Variants in IL36RN observed in about 807,000 individuals in gnomAD.
IL36RN encodes interleukin 36 receptor antagonist, also known as interleukin-36 receptor antagonist protein.
Under a neutral mutation model 13.0 loss-of-function variants are expected in IL36RN, and 11 were observed. The ratio of observed to expected loss-of-function variants is 0.85; its 90% CI spans 0.53 to 1.40. The LOEUF (loss-of-function observed/expected upper bound fraction) is 1.40. Ranked by LOEUF, IL36RN falls within the 40% of genes most tolerant of loss-of-function variation. The probability of loss-of-function intolerance (pLI) is 0.00; values close to 1 mark genes in which losing one functional copy is unlikely to be tolerated. For missense variants in IL36RN, 195 were observed against 195.3 expected (o/e 1.00, Z 0.01); for synonymous variants, 94 against 84.1 (o/e 1.12, Z -0.64).
intron 2 of IL36RN, 45 bp from the exon 3 acceptor site, chr2:113,060,807 C>A (rs1217285841): frequency 1.0e-5 from 14 of 1,393,850 alleles, no homozygotes; most frequent in East Asian, 6.8e-5. Context: ...GCTGGAGTGT[C>A]CACCCTCCTC....
rs1383851199 is a variant in IL36RN at position 113,062,557 on chromosome 2, C to A, written c.348C>A (p.Tyr116Ter). ...CCTCCAGCTTCGAGTCGGCTGCCTA[C>A]CCGGGCTGGTTCCTGTGCACGGTGC... The part of the protein sequence containing the change: ...GLTSSFESAA[Y>*]PGWFLCTVPE... Residue 116 changes from tyrosine to a stop codon, truncating the protein, a stop_gained, in exon 5 of 5, where the codon TAC (tyrosine) becomes TAA (stop). Transcript: ENST00000393200. LOFTEE classifies it low-confidence loss of function (END_TRUNC). The A allele has an allele frequency of 1.9e-6, 3 of 1,613,896 alleles. No individual in the cohort carries two copies. Among genetic ancestry groups the A allele is most frequent in the Non-Finnish European group, 2.5e-6 (3 of 1,180,020 alleles).
In IL36RN at chr2:113,064,360, G is replaced by A. The variant is rs1415080403; in HGVS notation, c.*1683G>A. 2 of 152,144 alleles carry A rather than the reference G, an allele frequency of 1.3e-5. No individual in the cohort carries two copies. The highest frequency in any genetic ancestry group is 2.1e-4 in the South Asian group (1 of 4,824). 9.4% of individuals were successfully genotyped at this position (152,144 alleles called of 1,614,324 possible). A position where few individuals can be genotyped will look rare whatever the true frequency, so the allele number is the denominator to read the frequency against. ...CTGCTAAAATGATCCCTGTCTCCTCGTGTTTACATTCTGTGTGTGTCCCCT... is the reference window on the plus strand; with the variant it reads ...CTGCTAAAATGATCCCTGTCTCCTCATGTTTACATTCTGTGTGTGTCCCCT... On this transcript the variant is annotated 3_prime_UTR_variant, in exon 5 of 5. Transcript: ENST00000393200.
intron 3 of IL36RN, among the ~76,000 whole-genome samples, chr2:113,061,570 G>A (rs1685639579): frequency 1.3e-5 from 1 of 78,034 alleles, no homozygotes; most frequent in Admixed American, 1.2e-4. Flanking sequence ...GCATATATGT[G>A]TGAGCATGTG....
In IL36RN at chr2:113,059,444, C is replaced by A. The variant is rs28938771; in HGVS notation, c.6C>A (p.Val2=). The change falls in exon 2 of 5, where the codon GTC becomes GTA. Residue 2 remains valine (V), a synonymous_variant. Transcript: ENST00000393200. M[V]LSGALCFRMK... The stretch of plus-strand genomic sequence containing the variant: ...TACACCCTGTGGAGCTCAAGATGGT[C>A]CTGAGTGGGGCGCTGTGCTTCCGGT... The A allele has an allele frequency of 8.1e-6, 13 of 1,613,856 alleles. No homozygotes were observed. Among genetic ancestry groups the A allele is most frequent in the Non-Finnish European group, 1.1e-5 (13 of 1,180,026 alleles).
intron 1 of IL36RN, 78 bp from the exon 2 acceptor site, chr2:113,059,334 G>C (rs1230534375): frequency 3.1e-6 from 4 of 1,271,300 alleles, no homozygotes; most frequent in Non-Finnish European, 4.6e-6. Context: ...TGGGGAGCTC[G>C]GTGCAGCTGC....
intron 3 of IL36RN, among the ~76,000 whole-genome samples, chr2:113,061,580 G>A (rs1276336910): frequency 6.6e-6 from 1 of 151,794 alleles, no homozygotes; most frequent in African/African-American, 2.4e-5. Flanking sequence ...GTGAGCATGT[G>A]TGCATGCATG....
chr2:113,062,072 G>A (rs540961337), intron 3 of IL36RN, 52 bp from the exon 4 acceptor site: 1 of 1,601,012 alleles, frequency 6.2e-7, no homozygotes, highest in Non-Finnish European at 8.5e-7. Context: ...CAGGACAGGG[G>A]AAGAAGGAGG....
rs201857918 is a variant in IL36RN, at chr2:113,062,427, C to T, written c.244-26C>T. 3.8e-5 allele frequency: 61 copies of T among 1,613,360 alleles called. No homozygotes were observed. The East Asian group carries it at 1.3e-3, about 34-fold the overall frequency. ...CCCTCTGCCCCTGCTTCTGCCCTCACCTGACCTCCCCTCCTCTGCCGGCAG... is the reference window on the plus strand; with the variant it reads ...CCCTCTGCCCCTGCTTCTGCCCTCATCTGACCTCCCCTCCTCTGCCGGCAG... On this transcript the variant is annotated intron_variant, in intron 4 of 4. Coordinates refer to ENST00000393200, the MANE Select transcript of IL36RN (RefSeq NM_012275.3).
rs982487211 is a variant in IL36RN, at chr2:113,062,563, C to G, written c.354C>G (p.Gly118=). 2 of 1,614,004 alleles carry G rather than the reference C, an allele frequency of 1.2e-6. No individual in the cohort carries two copies. Among genetic ancestry groups the G allele is most frequent in the Admixed American group, 3.3e-5 (2 of 60,022 alleles). ...GCTTCGAGTCGGCTGCCTACCCGGG[C>G]TGGTTCCTGTGCACGGTGCCTGAAG... is the stretch of plus-strand genomic sequence containing the variant. ...TSSFESAAYP[G]WFLCTVPEAD... is the part of the protein sequence containing the mutation. Residue 118 remains glycine, a synonymous_variant, in exon 5 of 5, where the codon GGC becomes GGG. Coordinates refer to ENST00000393200, the MANE Select transcript of IL36RN (RefSeq NM_012275.3).
At chr2:113,059,549 G>A (rs1484394056) in intron 2 of IL36RN, 82 bp downstream of exon 2, 1 of 1,512,588 alleles carries the variant, frequency 6.6e-7, no homozygotes, top group African/African-American at 1.4e-5. Context: ...CTCTGAGCAG[G>A]AGGGAGGAAG....
chr2:113,061,341 A>T (rs888631627), intron 3 of IL36RN, among the ~76,000 whole-genome samples: 8 of 152,078 alleles, frequency 5.3e-5, no homozygotes, highest in Non-Finnish European at 1.0e-4. Context: ...CTCTCTGAAG[A>T]TCCTCAGTCA....
intron 3 of IL36RN, 106 bp from the exon 4 acceptor site, chr2:113,062,018 G>T: frequency 1.3e-6 from 2 of 1,498,888 alleles, no homozygotes; most frequent in Non-Finnish European, 9.1e-7. Context: ...CTTCTGCCCA[G>T]CCTGGGGGCA....
At chr2:113,060,135 T>C (rs1288136748) in intron 2 of IL36RN, among the ~76,000 whole-genome samples, 1 of 77,100 alleles carries the variant, frequency 1.3e-5, no homozygotes, top group Non-Finnish European at 2.3e-5. Context: ...GCTCAGCATA[T>C]GAGTGACTCT....
intron 2 of IL36RN, 99 bp downstream of exon 2, chr2:113,059,566 G>T (rs1215107454): frequency 2.2e-6 from 3 of 1,361,276 alleles, no homozygotes; most frequent in African/African-American, 2.9e-5. Context: ...GAAGGGAGGG[G>T]CTGCCATTGC....
chr2:113,059,538 G>T (rs1359252210), intron 2 of IL36RN, 71 bp downstream of exon 2: 59 of 1,565,732 alleles, frequency 3.8e-5, no homozygotes, highest in South Asian at 7.8e-5. Context: ...CCGTTGTCCA[G>T]CTCTGAGCAG....
In IL36RN at chr2:113,063,843, C is replaced by T. The variant is rs1303123191; in HGVS notation, c.*1166C>T. On this transcript the variant is annotated 3_prime_UTR_variant, in exon 5 of 5. Transcript: ENST00000393200. ...AATTCTTTCCTAGAAGGATCACAGC[C>T]CCTGGGATTCCAAGGCATTGGATCC... is the stretch of plus-strand genomic sequence containing the variant. The T allele has an allele frequency of 1.3e-5, 2 of 152,114 alleles. No homozygotes were observed. Among genetic ancestry groups the T allele is most frequent in the African/African-American group, 4.8e-5 (2 of 41,406 alleles). 9.4% of individuals were successfully genotyped at this position (152,114 alleles called of 1,614,324 possible).
rs145036451 is a variant in IL36RN, at chr2:113,062,185, G to A, written c.177G>A (p.Leu59=). The A allele has an allele frequency of 6.2e-7, 1 of 1,614,078 alleles. No homozygotes were observed. The highest frequency in any genetic ancestry group is 1.1e-5 in the South Asian group (1 of 91,082). ...WLDASLSPVI[L]GVQGGSQCLS... ...ATGCCAGCCTGTCCCCCGTCATCCT[G>A]GGTGTCCAGGGTGGAAGCCAGTGCC... The change falls in exon 4 of 5, where the codon CTG becomes CTA. Residue 59 remains leucine, a synonymous_variant. Coordinates refer to ENST00000393200, the MANE Select transcript of IL36RN (RefSeq NM_012275.3).
intron 3 of IL36RN, among the ~76,000 whole-genome samples, chr2:113,061,876 G>T (rs902284368): frequency 6.6e-6 from 1 of 152,138 alleles, no homozygotes; most frequent in Non-Finnish European, 1.5e-5. Context: ...ATTTTGGGGT[G>T]TAGAGGCTTG....
intron 4 of IL36RN, 22 bp downstream of exon 4, chr2:113,062,273 C>G (rs571589576): frequency 6.2e-7 from 1 of 1,613,550 alleles, no homozygotes; most frequent in African/African-American, 1.3e-5. Context: ...GGCATCCTCA[C>G]TGGGGACTCA....
Sources: allele counts gnomAD v4.1 joint callset (sites outside exome capture counted in the v4.1 genomes callset), GRCh38; gene constraint gnomAD v4.1.1; transcripts MANE v1.5; gene names NCBI Gene and HGNC (gene_info 2026-07-23, HGNC 2026-07-21).